CAMK4: variants seen among roughly 807,000 people sequenced by gnomAD.
CAMK4 encodes calcium/calmodulin dependent protein kinase IV.
Under a neutral mutation model 44.9 loss-of-function variants are expected in CAMK4, and 22 were observed. The observed-to-expected ratio is 0.49, with a 90% CI of 0.35 to 0.70. The LOEUF (loss-of-function observed/expected upper bound fraction) is 0.70, where lower values mean the gene tolerates loss of function less well. Ranked by LOEUF, CAMK4 falls within the 30% of genes least tolerant of loss-of-function variation. The pLI is 0.01. For synonymous variants in CAMK4, 218 were observed against 215.4 expected, an observed-to-expected ratio of 1.01 and a Z score of -0.11; for missense variants, 498 against 586.8, an observed-to-expected ratio of 0.85 and a Z score of 1.56.
intron 5 of CAMK4, among the ~76,000 whole-genome samples, chr5:111,443,746 T>C (rs1753929949): frequency 6.6e-6 from 1 of 152,188 alleles, no homozygotes; most frequent in Non-Finnish European, 1.5e-5. Flanking sequence ...ATTTCATTTG[T>C]CTTTGTTACT....
At chr5:111,451,993 T>C (rs1754254696) in intron 7 of CAMK4, among the ~76,000 whole-genome samples, 1 of 152,264 alleles carries the variant, frequency 6.6e-6, no homozygotes, top group South Asian at 2.1e-4. Flanking sequence ...TCTCTTGTAC[T>C]CTTCTATGTC....
chr5:111,481,692 T>A (rs1022083660), intron 9 of CAMK4, among the ~76,000 whole-genome samples: 5 of 152,160 alleles, frequency 3.3e-5, no homozygotes, highest in Admixed American at 2.6e-4. Context: ...GGCCACAAGA[T>A]GCGCTCTGAC....
intron 7 of CAMK4, 53 bp downstream of exon 7, chr5:111,449,256 T>C: frequency 1.2e-6 from 1 of 833,888 alleles, no homozygotes; most frequent in African/African-American, 1.8e-5. Context: ...AAATGTATTT[T>C]TGTTTAGCAA....
rs561557889 is a variant in CAMK4, at chr5:111,438,526, C to T, written c.460-8160C>T. The stretch of plus-strand genomic sequence containing the variant: ...ATTGTAAAAAATTATCCAAGTAATC[C>T]GTAAGTGTTATAGTTAAATTTTATA... On this transcript the variant is annotated intron_variant, in intron 5 of 10. Coordinates refer to ENST00000282356, the MANE Select transcript of CAMK4 (RefSeq NM_001744.6). Among the ~76,000 whole-genome samples the T allele has an allele frequency of 2.7e-4, 41 of 151,998 alleles. 1 individual carries two copies. In the South Asian group the frequency reaches 7.5e-3, roughly 28 times the overall value.
intron 7 of CAMK4, among the ~76,000 whole-genome samples, chr5:111,456,653 A>T (rs1754428644): frequency 8.6e-6 from 1 of 116,418 alleles, no homozygotes; most frequent in South Asian, 2.9e-4. Context: ...AGTGGTTTTA[A>T]TAGGGTAAAC....
chr5:111,397,256 CT>C (rs1255507042), intron 5 of CAMK4, among the ~76,000 whole-genome samples: 9 of 152,180 alleles, frequency 5.9e-5, no homozygotes, highest in Admixed American at 5.9e-4. Flanking sequence ...TCAATTTAGT[CT>C]TGTAAAATAG....
In CAMK4 at chr5:111,379,251, G is replaced by C. The variant is rs1047938391; in HGVS notation, c.386+2309G>C. Among the ~76,000 whole-genome samples, 5 of 152,136 alleles carry C rather than the reference G, an allele frequency of 3.3e-5. No individual in the cohort carries two copies. In the South Asian group the frequency reaches 1.0e-3, roughly 32 times the overall value. On this transcript the variant is annotated intron_variant, in intron 4 of 10. Coordinates refer to ENST00000282356, the MANE Select transcript of CAMK4 (RefSeq NM_001744.6). ...TACCTCTATTGGCTTGAGTTAATTG[G>C]GAATCATGGGTTTCTCCTTCTCTTC... is the stretch of plus-strand genomic sequence containing the variant.
At chr5:111,251,741 T>A (rs1749504375) in intron 1 of CAMK4, among the ~76,000 whole-genome samples, 1 of 152,212 alleles carries the variant, frequency 6.6e-6, no homozygotes, top group Non-Finnish European at 1.5e-5. Flanking sequence ...CATGAGAATG[T>A]GATACAGAGC....
chr5:111,422,135 T>G (rs1753054985), intron 5 of CAMK4, among the ~76,000 whole-genome samples: 1 of 152,218 alleles, frequency 6.6e-6, no homozygotes, highest in African/African-American at 2.4e-5. Context: ...AGACACTTGA[T>G]TCTAACCTTA....
intron 1 of CAMK4, among the ~76,000 whole-genome samples, chr5:111,282,716 A>G (rs766926062): frequency 1.3e-5 from 2 of 152,204 alleles, no homozygotes; most frequent in African/African-American, 4.8e-5. Context: ...CTTTTTTTCA[A>G]CAATATGTTT....
intron 1 of CAMK4, among the ~76,000 whole-genome samples, chr5:111,322,001 A>G (rs1748683045): frequency 6.6e-6 from 1 of 152,070 alleles, no homozygotes; most frequent in African/African-American, 2.4e-5. Context: ...AATTAAGACT[A>G]TGGGGGAGGA....
intron 1 of CAMK4, among the ~76,000 whole-genome samples, chr5:111,259,934 T>C (rs575286673): frequency 6.6e-6 from 1 of 152,316 alleles, no homozygotes; most frequent in South Asian, 2.1e-4. Context: ...ATCGAGTGTT[T>C]CTGAACGCTT....
chr5:111,303,671 G>T (rs199905154), intron 1 of CAMK4, among the ~76,000 whole-genome samples: 1 of 145,260 alleles, frequency 6.9e-6, no homozygotes, highest in East Asian at 2.1e-4. Context: ...AAAACACTCG[G>T]CAGGATATTA....
chr5:111,230,487 C>T (rs1748416207), intron 1 of CAMK4, among the ~76,000 whole-genome samples: 2 of 151,534 alleles, frequency 1.3e-5, no homozygotes, highest in Non-Finnish European at 2.9e-5. Context: ...GCTACGATAA[C>T]ATCATTGCTT....
At chr5:111,377,703 A>G (rs1161586760) in intron 4 of CAMK4, among the ~76,000 whole-genome samples, 2 of 152,150 alleles carry the variant, frequency 1.3e-5, no homozygotes, top group African/African-American at 4.8e-5. Flanking sequence ...ATCAAAAAAG[A>G]ATGGACTTTA....
chr5:111,469,157 AAAAAAAAAAAAAAAAAT>A (rs1266411448), intron 7 of CAMK4, among the ~76,000 whole-genome samples: 2 of 79,192 alleles, frequency 2.5e-5, no homozygotes, highest in Admixed American at 2.6e-4. Context: ...AAAAAAAAAA[AAAAAAAAAAAAAAAAAT>A]ATATATATAT....
chr5:111,478,353 T>C, intron 8 of CAMK4, 28 bp from the exon 9 acceptor site: 1 of 1,429,430 alleles, frequency 7.0e-7, no homozygotes, highest in African/African-American at 1.4e-5. Flanking sequence ...TTTAAAGACA[T>C]TTTATTCTCT....
Position 111,242,034 on chromosome 5 carries a change from C to T in CAMK4, c.161+17390C>T, listed in dbSNP as rs572576812. Among the ~76,000 whole-genome samples, 5 of 152,266 alleles carry T rather than the reference C, an allele frequency of 3.3e-5. No individual in the cohort carries two copies. The East Asian group carries it at 9.7e-4, about 29-fold the overall frequency. ...CTGTTGGAACTTCCCACTGGAAGAC[C>T]ACGCAGGCAACTTTGACACAGGCTA... On this transcript the variant is annotated intron_variant, in intron 1 of 10. Transcript: ENST00000282356.
intron 2 of CAMK4, among the ~76,000 whole-genome samples, chr5:111,373,561 T>A (rs1580667745): frequency 6.6e-6 from 1 of 152,220 alleles, no homozygotes; most frequent in African/African-American, 2.4e-5. Flanking sequence ...AATGACTGGA[T>A]GTTGTTCTCT....
Sources: allele counts gnomAD v4.1 joint callset (sites outside exome capture counted in the v4.1 genomes callset), GRCh38; gene constraint gnomAD v4.1.1; transcripts MANE v1.5; gene names NCBI Gene and HGNC (gene_info 2026-07-23, HGNC 2026-07-21).